SYT9: variants seen among roughly 807,000 people sequenced by gnomAD.
The protein encoded by SYT9 is synaptotagmin-9.
Under a neutral mutation model 48.4 loss-of-function variants are expected in SYT9, and 22 were observed. That is an observed-to-expected ratio of 0.45 (90% CI 0.32 to 0.65). The LOEUF (loss-of-function observed/expected upper bound fraction) is 0.65, where lower values mean the gene tolerates loss of function less well. Ranked by LOEUF, SYT9 falls within the 30% of genes least tolerant of loss-of-function variation. SYT9 has a pLI of 0.03. For missense variants in SYT9, 577 were observed against 622.0 expected, an observed-to-expected ratio of 0.93 and a Z score of 0.77; for synonymous variants, 265 against 245.0, an observed-to-expected ratio of 1.08 and a Z score of -0.76.
At chr11:7,433,615 A>G (rs1241028607) in intron 6 of SYT9, among the ~76,000 whole-genome samples, 1 of 152,180 alleles carries the variant, frequency 6.6e-6, no homozygotes, top group Non-Finnish European at 1.5e-5. Context: ...GAGATGGGAA[A>G]CAATTAGGTT....
intron 2 of SYT9, among the ~76,000 whole-genome samples, chr11:7,312,613 C>T (rs560531419): frequency 2.0e-5 from 3 of 152,316 alleles, no homozygotes; most frequent in Non-Finnish European, 2.9e-5. Context: ...GAAGACTATA[C>T]TACAGTTGCA....
intron 3 of SYT9, among the ~76,000 whole-genome samples, chr11:7,323,931 C>G (rs925725692): frequency 6.6e-6 from 1 of 151,712 alleles, no homozygotes; most frequent in Non-Finnish European, 1.5e-5. Context: ...TAAAGGTGTA[C>G]AAGCCTTAAA....
At chr11:7,292,363 A>G (rs945073234) in intron 1 of SYT9, among the ~76,000 whole-genome samples, 3 of 152,192 alleles carry the variant, frequency 2.0e-5, no homozygotes, top group African/African-American at 7.2e-5. Context: ...TTCAGCCAAC[A>G]CTATGAAAGC....
intron 3 of SYT9, among the ~76,000 whole-genome samples, chr11:7,333,320 C>T (rs1448205060): frequency 1.3e-5 from 2 of 152,250 alleles, no homozygotes; most frequent in Non-Finnish European, 2.9e-5. Context: ...AGAATCTAGG[C>T]CACTGCTTTG....
chr11:7,271,448 C>G (rs566151241), intron 1 of SYT9, among the ~76,000 whole-genome samples: 191 of 152,334 alleles, frequency 1.3e-3, no homozygotes, highest in Middle Eastern at 3.4e-3. Flanking sequence ...TGTCCCAGGT[C>G]CCTGGCCCAG....
chr11:7,316,931 T>A (rs1329957146), intron 3 of SYT9, among the ~76,000 whole-genome samples: 1 of 152,270 alleles, frequency 6.6e-6, no homozygotes, highest in Non-Finnish European at 1.5e-5. Flanking sequence ...GTGAAAATTC[T>A]TGTTCAGCAC....
At chr11:7,255,194 C>T (rs1847945339) in intron 1 of SYT9, among the ~76,000 whole-genome samples, 1 of 152,078 alleles carries the variant, frequency 6.6e-6, no homozygotes, top group Non-Finnish European at 1.5e-5. Flanking sequence ...AACTTGCAGG[C>T]CTCAGAGACT....
intron 3 of SYT9, among the ~76,000 whole-genome samples, chr11:7,325,032 G>A (rs1415712683): frequency 6.6e-6 from 1 of 151,968 alleles, no homozygotes; most frequent in African/African-American, 2.4e-5. Context: ...ATATATGTCT[G>A]GTCTTTTCAA....
chr11:7,446,164 C>T (rs1847925323), intron 6 of SYT9, among the ~76,000 whole-genome samples: 1 of 152,176 alleles, frequency 6.6e-6, no homozygotes, highest in Admixed American at 6.5e-5. Context: ...CCAAGGGCTG[C>T]AAAGGAAATG....
chr11:7,262,774 A>G (rs1380980247), intron 1 of SYT9, among the ~76,000 whole-genome samples: 1 of 152,140 alleles, frequency 6.6e-6, no homozygotes, highest in Non-Finnish European at 1.5e-5. Context: ...AGGTGGGAAC[A>G]AGAGCCTGAT....
chr11:7,390,440 T>G (rs1850741899), intron 3 of SYT9, among the ~76,000 whole-genome samples: 1 of 152,194 alleles, frequency 6.6e-6, no homozygotes, highest in African/African-American at 2.4e-5. Context: ...GTTTTCATTT[T>G]GGAAGGATAG....
intron 3 of SYT9, among the ~76,000 whole-genome samples, chr11:7,362,295 C>T (rs565555369): frequency 1.3e-5 from 2 of 152,002 alleles, no homozygotes; most frequent in African/African-American, 4.8e-5. Flanking sequence ...CAGGCCTGCA[C>T]CACCATGCCT....
intron 2 of SYT9, 44 bp downstream of exon 2, chr11:7,303,434 C>G: frequency 6.7e-7 from 1 of 1,493,348 alleles, no homozygotes; most frequent in Non-Finnish European, 9.0e-7. Context: ...AAGGACCACC[C>G]CATTCCCCTC....
chr11:7,300,531 C>G (rs930274586), intron 1 of SYT9, among the ~76,000 whole-genome samples: 5 of 152,224 alleles, frequency 3.3e-5, no homozygotes, highest in African/African-American at 1.2e-4. Flanking sequence ...CATCACATTC[C>G]TAAATCCTAC....
chr11:7,267,474 T>G (rs16924131), intron 1 of SYT9, among the ~76,000 whole-genome samples: 1 of 151,554 alleles, frequency 6.6e-6, no homozygotes, highest in East Asian at 1.9e-4. Context: ...ATGCCAAAAC[T>G]CTAAACACTT....
intron 3 of SYT9, among the ~76,000 whole-genome samples, chr11:7,368,347 T>TGTTG (rs71470474): frequency 0.39 from 59,908 of 151,774 alleles, 12,294 homozygotes; most frequent in African/African-American, 0.51. Flanking sequence ...ATAATGGGGT[T>TGTTG]TTGTTGTTGT....
chr11:7,335,671 A>T (rs1007686434), intron 3 of SYT9, among the ~76,000 whole-genome samples: 2 of 152,124 alleles, frequency 1.3e-5, no homozygotes, highest in African/African-American at 4.8e-5. Flanking sequence ...GATGCATAGT[A>T]GTCCATGGAA....
In SYT9 at chr11:7,467,102, A is replaced by G. The variant is rs1474618066; in HGVS notation, c.*302A>G. On this transcript the variant is annotated 3_prime_UTR_variant, in exon 7 of 7. Transcript: ENST00000318881. ...ATATAGTGACAGTACCAAGAGTACC[A>G]GGACTCAATGTTTCATATGAAGCCC... 5 of 394,228 alleles carry G rather than the reference A, an allele frequency of 1.3e-5. No homozygotes were observed. The highest frequency in any genetic ancestry group is 6.4e-4 in the Middle Eastern group (1 of 1,554). The allele number at this position is 394,228 out of a possible 1,614,324, so 24.4% of individuals were successfully genotyped here.
At chr11:7,338,440 G>T (rs894173116) in intron 3 of SYT9, among the ~76,000 whole-genome samples, 2 of 151,912 alleles carry the variant, frequency 1.3e-5, no homozygotes, top group Admixed American at 6.6e-5. Flanking sequence ...TTGTGATGTT[G>T]GGTTGTTAAT....
Sources: allele counts gnomAD v4.1 joint callset (sites outside exome capture counted in the v4.1 genomes callset), GRCh38; gene constraint gnomAD v4.1.1; transcripts MANE v1.5; gene names NCBI Gene and HGNC (gene_info 2026-07-23, HGNC 2026-07-21).